Variants in GARRE1 observed in about 807,000 individuals in gnomAD.
GARRE1 encodes the protein granule associated Rac and RHOG effector protein 1.
A neutral mutation model predicts 103.2 loss-of-function variants in GARRE1; 49 were observed. The ratio of observed to expected loss-of-function variants is 0.47; its 90% CI spans 0.38 to 0.60. The LOEUF is 0.60. Ranked by LOEUF, GARRE1 falls within the 20% of genes least tolerant of loss-of-function variation. The pLI is 0.00. For synonymous variants in GARRE1, 505 were observed against 532.8 expected, an observed-to-expected ratio of 0.95 and a Z score of 0.72; for missense variants, 1,199 against 1,370.5, an observed-to-expected ratio of 0.87 and a Z score of 1.98.
chr19:34,273,114 A>G (rs1394944300), intron 1 of GARRE1, among the ~76,000 whole-genome samples: 2 of 152,214 alleles, frequency 1.3e-5, no homozygotes, highest in Admixed American at 6.5e-5. Flanking sequence ...AGGCTGGTCA[A>G]TCACTTGAAC....
chr19:34,308,238 C>CTTT (rs753284001), intron 2 of GARRE1, among the ~76,000 whole-genome samples: 29 of 99,462 alleles, frequency 2.9e-4, no homozygotes, highest in Admixed American at 4.2e-4. Flanking sequence ...CATCCTGTTC[C>CTTT]TTTTTTTTTT....
intron 1 of GARRE1, among the ~76,000 whole-genome samples, chr19:34,276,568 C>T (rs2073818286): frequency 6.6e-6 from 1 of 152,126 alleles, no homozygotes; most frequent in Non-Finnish European, 1.5e-5. Flanking sequence ...GTGCTCCATC[C>T]ACATCAAGCC....
At position 34,300,633 on chromosome 19, in the gene GARRE1, C is replaced by G. The variant is rs746144405; in HGVS notation, c.160C>G (p.Leu54Val). 4.3e-6 allele frequency: 7 copies of G among 1,613,696 alleles called. No individual in the cohort carries two copies. The East Asian group carries it at 1.3e-4, about 31-fold the overall frequency. Residue 54 changes from leucine to valine, a missense_variant, in exon 2 of 14, where the codon CTG becomes GTG. Transcript: ENST00000299505. ...GGCATCCACGGCCACCACTGCCCCC[C>G]TGGGCAGTCTGACCGCTGCAGGCAG... is the stretch of plus-strand genomic sequence containing the variant. ...PLASTATTAP[L>V]GSLTAAGSCH...
intron 1 of GARRE1, among the ~76,000 whole-genome samples, chr19:34,288,927 T>A (rs1285245853): frequency 7.3e-5 from 11 of 151,208 alleles, no homozygotes; most frequent in Admixed American, 7.3e-4. Flanking sequence ...AGGCCAGGAG[T>A]TCGAGACCAG....
intron 3 of GARRE1, among the ~76,000 whole-genome samples, chr19:34,323,327 G>A (rs1303679486): frequency 6.6e-6 from 1 of 151,954 alleles, no homozygotes; most frequent in African/African-American, 2.4e-5. Flanking sequence ...CACGGCGCCC[G>A]GCCTAGTATT....
intron 2 of GARRE1, among the ~76,000 whole-genome samples, chr19:34,304,374 A>ATTT (rs1227745814): frequency 3.5e-5 from 4 of 113,684 alleles, no homozygotes; most frequent in East Asian, 2.5e-4. Flanking sequence ...CATCTTTGTA[A>ATTT]TTTTTTTTTT....
chr19:34,259,633 C>T (rs1426804979), intron 1 of GARRE1, among the ~76,000 whole-genome samples: 1 of 152,066 alleles, frequency 6.6e-6, no homozygotes, highest in Non-Finnish European at 1.5e-5. Context: ...GCCTAGAACA[C>T]AGTGCGTGGA....
chr19:34,269,747 A>G (rs1301339519), intron 1 of GARRE1, among the ~76,000 whole-genome samples: 1 of 152,110 alleles, frequency 6.6e-6, no homozygotes, highest in Non-Finnish European at 1.5e-5. Flanking sequence ...TTTAGTAGCT[A>G]CCTCTTGACT....
chr19:34,339,939 A>C lies in GARRE1; in HGVS notation c.1434A>C (p.Leu478=). The C allele has an allele frequency of 1.2e-6, 2 of 1,613,988 alleles. No individual in the cohort carries two copies. Among genetic ancestry groups the C allele is most frequent in the South Asian group, 1.1e-5 (1 of 91,072 alleles). ...TTGATCCTGAGAAGACCCTGGGTCTAGTGGACGTGCTCTACACAGCTGTGC... is the reference window on the plus strand; with the variant it reads ...TTGATCCTGAGAAGACCCTGGGTCTCGTGGACGTGCTCTACACAGCTGTGC... The part of the protein sequence containing the change: ...RSLDPEKTLG[L]VDVLYTAVLD... The change falls in exon 9 of 14, where the codon CTA becomes CTC. Residue 478 remains leucine (L), a synonymous_variant. Transcript: ENST00000299505.
rs906628074 is a variant in GARRE1, at chr19:34,300,321, C to T, written c.-153C>T. 53 of 745,424 alleles carry T rather than the reference C, an allele frequency of 7.1e-5. 1 individual carries two copies. The South Asian group carries it at 1.1e-3, about 15-fold the overall frequency. 46.2% of individuals were successfully genotyped at this position (745,424 alleles called of 1,614,324 possible). A position where few individuals can be genotyped will look rare whatever the true frequency, so the allele number is the denominator to read the frequency against. On this transcript the variant is annotated 5_prime_UTR_variant, in exon 2 of 14. Transcript: ENST00000299505. ...ATAAACCTGTTGTCTCTCACCTCTA[C>T]ATTGGATCACATGGTCACCTGCCTC...
rs764531795 is a variant in GARRE1 at position 34,333,813 on chromosome 19, C to T, written c.1361+12C>T. Reference sequence around the variant, plus strand: ...GTCCCATCCACATGGTAACGTGCCTCTTACTTTCACCGGAGCCTAAGCTCT... The same window carrying T: ...GTCCCATCCACATGGTAACGTGCCTTTTACTTTCACCGGAGCCTAAGCTCT... On this transcript the variant is annotated intron_variant, in intron 8 of 13. Transcript: ENST00000299505. 2.7e-6 allele frequency: 4 copies of T among 1,485,034 alleles called. No individual in the cohort carries two copies. Among genetic ancestry groups the T allele is most frequent in the Non-Finnish European group, 3.8e-6 (4 of 1,062,900 alleles). The allele number at this position is 1,485,034 out of a possible 1,614,324, so 92.0% of individuals were successfully genotyped here.
chr19:34,333,846 G>A (rs1182541691), intron 8 of GARRE1, 45 bp downstream of exon 8: 14 of 1,107,850 alleles, frequency 1.3e-5, no homozygotes, highest in Admixed American at 5.3e-5. Context: ...TCTGACTGAC[G>A]TTTGCACATC....
At chr19:34,348,592 T>C in intron 11 of GARRE1, 1 of 153,824 alleles carries the variant, frequency 6.5e-6, no homozygotes, top group Non-Finnish European at 1.4e-5. Context: ...TTAAATTTTT[T>C]TTTTTACTTA....
intron 1 of GARRE1, among the ~76,000 whole-genome samples, chr19:34,255,168 C>T (rs1386218056): frequency 2.3e-5 from 2 of 88,372 alleles, no homozygotes; most frequent in African/African-American, 9.6e-5. Flanking sequence ...AGCCAGCTGG[C>T]GCATTGGGCC....
In GARRE1 at chr19:34,333,689, T is replaced by TTTTTTTTTTC; in HGVS notation, c.1264-10_1264-9insTTTTCTTTTT. ...CTGGTTGTTATTTGTTTTTTTTTTTTTTTTTCGATCTTAGGTGGTGGTTGA... is the reference window on the plus strand; with the variant it reads ...CTGGTTGTTATTTGTTTTTTTTTTTTTTTTTTTTTCTTTTTCGATCTTAGGTGGTGGTTGA... On this transcript the variant is annotated splice_polypyrimidine_tract_variant and intron_variant, in intron 7 of 13. Coordinates refer to ENST00000299505, the MANE Select transcript of GARRE1 (RefSeq NM_014686.5). The TTTTTTTTTTC allele has an allele frequency of 7.4e-7, 1 of 1,350,600 alleles. No homozygotes were observed. The highest frequency in any genetic ancestry group is 1.0e-6 in the Non-Finnish European group (1 of 970,138). 83.7% of individuals were successfully genotyped at this position (1,350,600 alleles called of 1,614,324 possible). A position where few individuals can be genotyped will look rare whatever the true frequency, so the allele number is the denominator to read the frequency against.
chr19:34,293,132 CAG>C (rs1276018440), intron 1 of GARRE1, among the ~76,000 whole-genome samples: 1 of 152,186 alleles, frequency 6.6e-6, no homozygotes, highest in Non-Finnish European at 1.5e-5. Context: ...GCAAACTAAA[CAG>C]TGAAGAGATT....
chr19:34,320,189 T>C (rs1396320771), intron 3 of GARRE1, 73 bp downstream of exon 3: 14 of 1,239,850 alleles, frequency 1.1e-5, no homozygotes, highest in Non-Finnish European at 1.6e-5. Context: ...TGCCTGTTGA[T>C]TCTCAAAACA....
chr19:34,329,607 G>A (rs1223199340), intron 6 of GARRE1, among the ~76,000 whole-genome samples: 1 of 152,074 alleles, frequency 6.6e-6, no homozygotes, highest in African/African-American at 2.4e-5. Context: ...AGGCCGAGGT[G>A]GGCAGATCAC....
intron 1 of GARRE1, among the ~76,000 whole-genome samples, chr19:34,280,729 C>T (rs1048186219): frequency 9.9e-5 from 15 of 151,954 alleles, no homozygotes; most frequent in Admixed American, 4.6e-4. Context: ...ACTTATTTTT[C>T]GGGTTTTCTA....
Sources: allele counts gnomAD v4.1 joint callset (sites outside exome capture counted in the v4.1 genomes callset), GRCh38; gene constraint gnomAD v4.1.1; transcripts MANE v1.5; gene names NCBI Gene and HGNC (gene_info 2026-07-23, HGNC 2026-07-21).